The following CELSR1 variants were observed in gnomAD, a reference collection of about 807,000 sequenced individuals.
The protein encoded by CELSR1 is adhesion G protein-coupled receptor C1.
A neutral mutation model predicts 249.1 loss-of-function variants in CELSR1; 110 were observed. The ratio of observed to expected loss-of-function variants is 0.44; its 90% CI spans 0.38 to 0.52. The LOEUF is 0.52. Among genes scored for constraint, CELSR1 ranks in the 20% least tolerant of loss-of-function variants. The pLI is 0.00. For missense variants in CELSR1, 4,109 were observed against 4,296.4 expected (o/e 0.96, Z 1.22); for synonymous variants, 2,113 against 1,900.0 (o/e 1.11, Z -2.92).
chr22:46,477,218 T>C (rs899450454), intron 1 of CELSR1, among the ~76,000 whole-genome samples: 9 of 152,114 alleles, frequency 5.9e-5, no homozygotes, highest in Non-Finnish European at 1.5e-5. Flanking sequence ...AAAGTCGCCA[T>C]CTGTTTATAC....
At position 46,537,039 on chromosome 22, in the gene CELSR1, G is replaced by A; in HGVS notation, c.132C>T (p.Leu44=). ...CCACCGCGTAGGTACAGCCGGGCCG[G>A]AGGGCGAAGGCGCGGGTCCCGCCGG... The part of the protein sequence containing the change: ...RVPGGTRAFA[L]RPGCTYAVGA... Residue 44 remains leucine (L), a synonymous_variant, in exon 1 of 35, where the codon CTC becomes CTT. Transcript: ENST00000674500. The surrounding 1 kb of genome is among the most constrained non-coding windows in gnomAD (Gnocchi z 5.8). 4 of 1,096,476 alleles carry A rather than the reference G, an allele frequency of 3.6e-6. No individual in the cohort carries two copies. The highest frequency in any genetic ancestry group is 4.4e-6 in the Non-Finnish European group (4 of 901,966). 67.9% of individuals were successfully genotyped at this position (1,096,476 alleles called of 1,614,324 possible). A position where few individuals can be genotyped will look rare whatever the true frequency, so the allele number is the denominator to read the frequency against.
In CELSR1 at chr22:46,534,261, A is replaced by G. The variant is rs1322764794; in HGVS notation, c.2910T>C (p.Ala970=). The G allele has an allele frequency of 6.2e-7, 1 of 1,613,504 alleles. No homozygotes were observed. The highest frequency in any genetic ancestry group is 8.5e-7 in the Non-Finnish European group (1 of 1,180,026). Residue 970 remains alanine, a synonymous_variant, in exon 1 of 35, where the codon GCT becomes GCC. Coordinates refer to ENST00000674500, the MANE Select transcript of CELSR1 (RefSeq NM_001378328.1). The surrounding 1 kb of genome is among the most constrained non-coding windows in gnomAD (Gnocchi z 9.7). ...GGGGAGTGGGACTGCCCCGATCCAC[A>G]GCCAGAGCCCAAAGGTTGTACACGG... ...NVAVYNLWAL[A]VDRGSPTPLS...
intron 20 of CELSR1, among the ~76,000 whole-genome samples, chr22:46,383,535 T>C (rs1236716606): frequency 6.6e-6 from 1 of 152,144 alleles, no homozygotes; most frequent in Non-Finnish European, 1.5e-5. Flanking sequence ...GAAGCAGCTT[T>C]CCCCCCAACC....
At chr22:46,368,271 G>A (rs2078809938) in intron 27 of CELSR1, among the ~76,000 whole-genome samples, 1 of 152,132 alleles carries the variant, frequency 6.6e-6, no homozygotes, top group Non-Finnish European at 1.5e-5. Context: ...GTCTCCCCAT[G>A]TGTACAAGGG....
In CELSR1 at chr22:46,448,488, G is replaced by A. The variant is rs888977220; in HGVS notation, c.4184-9077C>T. The A allele has an allele frequency of 5.1e-6, 2 of 391,268 alleles. No individual in the cohort carries two copies. The highest frequency in any genetic ancestry group is 1.0e-5 in the Non-Finnish European group (2 of 199,406). 24.2% of individuals were successfully genotyped at this position (391,268 alleles called of 1,614,324 possible). A position where few individuals can be genotyped will look rare whatever the true frequency, so the allele number is the denominator to read the frequency against. On this transcript the variant is annotated intron_variant, in intron 2 of 34. Coordinates refer to ENST00000674500, the MANE Select transcript of CELSR1 (RefSeq NM_001378328.1). The surrounding 1 kb of genome is among the most constrained non-coding windows in gnomAD (Gnocchi z 5.7). Reference sequence around the variant, plus strand: ...GGAACGCGCTGGGAACGTGCCCCAGGAGGGGAAGGGCGTGTAAAGATTGAC... The same window carrying A: ...GGAACGCGCTGGGAACGTGCCCCAGAAGGGGAAGGGCGTGTAAAGATTGAC...
At chr22:46,377,307 G>A in intron 23 of CELSR1, 46 bp from the exon 24 acceptor site, 1 of 1,576,910 alleles carries the variant, frequency 6.3e-7, no homozygotes, top group Non-Finnish European at 8.7e-7. Flanking sequence ...AAGGGCCGAG[G>A]CTCAGATCTG....
Position 46,536,783 on chromosome 22 carries a change from C to CCCCGCAGAGCCGGGCACCGGT in CELSR1, c.367_387dup (p.Thr123_Gly129dup), listed in dbSNP as rs1602256477. The CCCCGCAGAGCCGGGCACCGGT allele has an allele frequency of 8.4e-6, 10 of 1,185,774 alleles. No homozygotes were observed. In the South Asian group the frequency reaches 1.5e-4, roughly 17 times the overall value. The allele number at this position is 1,185,774 out of a possible 1,614,324, so 73.5% of individuals were successfully genotyped here. On this transcript the variant is annotated inframe_insertion, in exon 1 of 35. Coordinates refer to ENST00000674500, the MANE Select transcript of CELSR1 (RefSeq NM_001378328.1). ...CCGCCGGGGACGGGGAAGCAGAGCG[C>CCCCGCAGAGCCGGGCACCGGT]CCCGCAGAGCCGGGCACCGGTTCCG...
In CELSR1 at chr22:46,367,625, G is replaced by A. The variant is rs80113558; in HGVS notation, c.8079+104C>T. On this transcript the variant is annotated intron_variant, in intron 28 of 34. Coordinates refer to ENST00000674500, the MANE Select transcript of CELSR1 (RefSeq NM_001378328.1). ...CAGGAGGCCCCCACGCGGGACCCAGGCAGGGCTGGTTTGGGACCGCAGAGG... is the reference window on the plus strand; with the variant it reads ...CAGGAGGCCCCCACGCGGGACCCAGACAGGGCTGGTTTGGGACCGCAGAGG... The A allele has an allele frequency of 5.9e-3, 8,667 of 1,470,884 alleles. 432 individuals are homozygous for A. The African/African-American group carries it at 0.1, about 17-fold the overall frequency. 91.1% of individuals were successfully genotyped at this position (1,470,884 alleles called of 1,614,324 possible).
At position 46,411,959 on chromosome 22, in the gene CELSR1, A is replaced by C. The variant is rs1319921637; in HGVS notation, c.4612-200T>G. On this transcript the variant is annotated intron_variant, in intron 5 of 34. Transcript: ENST00000674500. This position sits in a 1 kb window ranked among gnomAD's most constrained non-coding sequence, Gnocchi z 4.2. ...TGCCCCCTCAAGTTCTGCTTCCCAG[A>C]ATCTCAGAACGTGGCCTGGTCTGGA... Among the ~76,000 whole-genome samples the C allele has an allele frequency of 6.6e-6, 1 of 152,174 alleles. No individual in the cohort carries two copies. Among genetic ancestry groups the C allele is most frequent in the African/African-American group, 2.4e-5 (1 of 41,452 alleles).
chr22:46,492,688 G>A (rs1297134705), intron 1 of CELSR1, among the ~76,000 whole-genome samples: 1 of 152,138 alleles, frequency 6.6e-6, no homozygotes, highest in Non-Finnish European at 1.5e-5. Context: ...AGCTGGGCGT[G>A]TAAGCAATCC....
At position 46,365,621 on chromosome 22, in the gene CELSR1, G is replaced by A. The variant is rs1367090204; in HGVS notation, c.8369C>T (p.Ala2790Val). 24 of 1,594,352 alleles carry A rather than the reference G, an allele frequency of 1.5e-5. No homozygotes were observed. The highest frequency in any genetic ancestry group is 1.7e-4 in the Middle Eastern group (1 of 6,054). Residue 2790 changes from alanine to valine, a missense_variant, in exon 31 of 35, where the codon GCG becomes GTG. Transcript: ENST00000674500. ...LVRGSHGEPDASLMPRSCKDP... is the reference protein window; with the variant it reads ...LVRGSHGEPDVSLMPRSCKDP... ...CTTGCAGCTCCTGGGCATGAGGGAC[G>A]CGTCTGGCTCTCCGTGGCTGCCCCT...
chr22:46,503,435 G>A (rs1025936914), intron 1 of CELSR1, among the ~76,000 whole-genome samples: 1 of 152,210 alleles, frequency 6.6e-6, no homozygotes, highest in Non-Finnish European at 1.5e-5. Flanking sequence ...TGGTGGTGAG[G>A]ACACAGGGGA....
chr22:46,478,799 G>T (rs538916650), intron 1 of CELSR1, among the ~76,000 whole-genome samples: 85 of 151,368 alleles, frequency 5.6e-4, no homozygotes, highest in African/African-American at 2.0e-3. Flanking sequence ...TGATCTGTCC[G>T]CCTCGGCCTC....
chr22:46,480,183 C>T (rs899505559), intron 1 of CELSR1, among the ~76,000 whole-genome samples: 1 of 152,226 alleles, frequency 6.6e-6, no homozygotes, highest in African/African-American at 2.4e-5. Flanking sequence ...TTGCTACACA[C>T]AGCCTCAAGG....
In CELSR1 at chr22:46,500,775, A is replaced by G. The variant is rs1209309923; in HGVS notation, c.3544+32852T>C. On this transcript the variant is annotated intron_variant, in intron 1 of 34. Coordinates refer to ENST00000674500, the MANE Select transcript of CELSR1 (RefSeq NM_001378328.1). This position sits in a 1 kb window ranked among gnomAD's most constrained non-coding sequence, Gnocchi z 4.9. ...TGAAGCTCACCACCGTGTCCCCACA[A>G]CTGGAGCTGCCCGGGAGGCCAGCAG... 6.6e-6 allele frequency among the ~76,000 whole-genome samples: 1 copy of G among 152,122 alleles called. No homozygotes were observed. The highest frequency in any genetic ancestry group is 6.5e-5 in the Admixed American group (1 of 15,268).
rs1403332547 is a variant in CELSR1 at position 46,448,381 on chromosome 22, G to A, written c.4184-8970C>T. On this transcript the variant is annotated intron_variant, in intron 2 of 34. Coordinates refer to ENST00000674500, the MANE Select transcript of CELSR1 (RefSeq NM_001378328.1). This position sits in a 1 kb window ranked among gnomAD's most constrained non-coding sequence, Gnocchi z 5.7. Reference sequence around the variant, plus strand: ...CCTGGGGGGCTGCTCCAGGAGCTAGGAGAAGAGAGATGCAGGGTCTCAGGG... The same window carrying A: ...CCTGGGGGGCTGCTCCAGGAGCTAGAAGAAGAGAGATGCAGGGTCTCAGGG... Among the ~76,000 whole-genome samples the A allele has an allele frequency of 6.6e-6, 1 of 152,134 alleles. No homozygotes were observed. The highest frequency in any genetic ancestry group is 1.5e-5 in the Non-Finnish European group (1 of 68,006).
At chr22:46,523,527 CAAAT>C (rs35618954) in intron 1 of CELSR1, among the ~76,000 whole-genome samples, 1,937 of 143,578 alleles carry the variant, frequency 0.013, 26 homozygotes, top group African/African-American at 0.036. Flanking sequence ...GACTCTGTCT[CAAAT>C]AAATAAATAA....
chr22:46,492,156 G>A (rs2080373728), intron 1 of CELSR1, among the ~76,000 whole-genome samples: 1 of 152,204 alleles, frequency 6.6e-6, no homozygotes, highest in African/African-American at 2.4e-5. Context: ...GGCTCCAGCA[G>A]GTCTGCAGGC....
rs535187768 is a variant in CELSR1, at chr22:46,512,309, G to A, written c.3544+21318C>T. On this transcript the variant is annotated intron_variant, in intron 1 of 34. Transcript: ENST00000674500. The surrounding 1 kb of genome is among the most constrained non-coding windows in gnomAD (Gnocchi z 5.2). ...ATACTGGCCAGGTGCGGTGGCACAT[G>A]CCTGTAATCCCAGCACTTTGGGAGG... is the stretch of plus-strand genomic sequence containing the variant. Among the ~76,000 whole-genome samples, 102 of 152,122 alleles carry A rather than the reference G, an allele frequency of 6.7e-4. No homozygotes were observed. Among genetic ancestry groups the A allele is most frequent in the African/African-American group, 2.4e-3 (99 of 41,358 alleles).
Sources: allele counts gnomAD v4.1 joint callset (sites outside exome capture counted in the v4.1 genomes callset), GRCh38; gene constraint gnomAD v4.1.1; non-coding constraint Gnocchi (gnomAD v3.1); transcripts MANE v1.5; gene names NCBI Gene and HGNC (gene_info 2026-07-23, HGNC 2026-07-21).